Variants in MTAP observed in about 807,000 individuals in gnomAD.
The protein encoded by MTAP is S-methyl-5'-thioadenosine phosphorylase.
A neutral mutation model predicts 33.6 loss-of-function variants in MTAP; 33 were observed. The ratio of observed to expected loss-of-function variants is 0.98; its 90% confidence interval spans 0.74 to 1.31. MTAP has a LOEUF of 1.31. Ranked by LOEUF, MTAP falls within the 40% of genes most tolerant of loss-of-function variation. The probability of loss-of-function intolerance (pLI) is 0.00; values close to 1 mark genes in which losing one functional copy is unlikely to be tolerated. For missense variants in MTAP, 367 were observed against 360.0 expected (o/e 1.02, Z -0.16); for synonymous variants, 148 against 125.7 (o/e 1.18, Z -1.19).
rs554729662 is a variant in MTAP, at chr9:21,862,779, A to G, written c.*765A>G. On this transcript the variant is annotated 3_prime_UTR_variant, in exon 8 of 8. Coordinates refer to ENST00000644715, the MANE Select transcript of MTAP (RefSeq NM_002451.4). Reference sequence around the variant, plus strand: ...TTTTGCTTTAAAATGCTATGTAAATATACAAAAAAACTAGAAAGAAATATA... The same window carrying G: ...TTTTGCTTTAAAATGCTATGTAAATGTACAAAAAAACTAGAAAGAAATATA... 7 of 264,900 alleles carry G rather than the reference A, an allele frequency of 2.6e-5. No homozygotes were observed. Among genetic ancestry groups the G allele is most frequent in the Non-Finnish European group, 3.5e-5 (6 of 173,180 alleles). 16.4% of individuals were successfully genotyped at this position (264,900 alleles called of 1,614,324 possible).
chr9:21,849,143 C>A (rs1477870653), intron 5 of MTAP, among the ~76,000 whole-genome samples: 1 of 152,174 alleles, frequency 6.6e-6, no homozygotes, highest in East Asian at 1.9e-4. Flanking sequence ...AGTTTACAGA[C>A]CCAGAACCCC....
At chr9:21,912,162 T>A (rs1301061348) in intron 1 of MTAP, among the ~76,000 whole-genome samples, 2 of 151,942 alleles carry the variant, frequency 1.3e-5, no homozygotes, top group Admixed American at 1.3e-4. Flanking sequence ...CAAAAAACAG[T>A]CCAGGACCAG....
At chr9:21,915,771 T>G (rs1336508927) in intron 1 of MTAP, among the ~76,000 whole-genome samples, 1 of 152,162 alleles carries the variant, frequency 6.6e-6, no homozygotes, top group Non-Finnish European at 1.5e-5. Context: ...AGCTCACATC[T>G]GTAATCCCAA....
intron 1 of MTAP, chr9:21,929,952 T>C: frequency 4.7e-6 from 2 of 427,724 alleles, no homozygotes; most frequent in Non-Finnish European, 4.7e-6. Flanking sequence ...GAAAACCAAT[T>C]CCACCATCAA....
rs191129989 is a variant in MTAP at position 21,918,746 on chromosome 9, G to A, written c.148-12262G>A. 1.1e-4 allele frequency among the ~76,000 whole-genome samples: 17 copies of A among 152,256 alleles called. No homozygotes were observed. In the East Asian group the frequency reaches 3.3e-3, roughly 29 times the overall value. On this transcript the variant is annotated intron_variant, in intron 1 of 1. Coordinates refer to the MTAP transcript ENST00000577563. ...CAAGATCTGATGGTTTTATAAAGGGGAGTTCCCCTGCACATGCCCTCTTTG... is the reference window on the plus strand; with the variant it reads ...CAAGATCTGATGGTTTTATAAAGGGAAGTTCCCCTGCACATGCCCTCTTTG...
chr9:21,802,967 TC>T, intron 1 of MTAP, 186 bp downstream of exon 1: 2 of 1,205,380 alleles, frequency 1.7e-6, no homozygotes, highest in Non-Finnish European at 2.1e-6. Context: ...TTGCAAATGA[TC>T]CCCCTGCCGC....
At chr9:21,872,042 G>A (rs73440410), downstream of MTAP, among the ~76,000 whole-genome samples, 20 of 152,112 alleles carry the variant, frequency 1.3e-4, no homozygotes, top group Non-Finnish European at 2.8e-4. Flanking sequence ...TCTGCCAGGC[G>A]TGGTGGCTCA....
At chr9:21,840,515 T>C (rs1276824497) in intron 5 of MTAP, among the ~76,000 whole-genome samples, 7 of 152,222 alleles carry the variant, frequency 4.6e-5, no homozygotes, top group African/African-American at 1.7e-4. Flanking sequence ...AATTTAACCT[T>C]ACCTAGAGGT....
intron 4 of MTAP, among the ~76,000 whole-genome samples, chr9:21,831,383 G>A (rs146865168): frequency 4.4e-4 from 67 of 152,218 alleles, no homozygotes; most frequent in Admixed American, 2.0e-3. Flanking sequence ...GTTGCCCGGG[G>A]TAGAGTGCAG....
intron 5 of MTAP, among the ~76,000 whole-genome samples, chr9:21,841,358 T>G (rs1314501944): frequency 6.6e-6 from 1 of 152,208 alleles, no homozygotes; most frequent in Admixed American, 6.5e-5. Flanking sequence ...ACAATAACCC[T>G]GATCCCAGGA....
chr9:21,936,063 C>A (rs1057477010), downstream of MTAP: 3 of 152,152 alleles, frequency 2.0e-5, no homozygotes, highest in Non-Finnish European at 4.4e-5. Context: ...CCGAAGGCGA[C>A]CAAATAAATA....
chr9:21,825,560 T>G (rs1409734869), intron 4 of MTAP, among the ~76,000 whole-genome samples: 1 of 152,198 alleles, frequency 6.6e-6, no homozygotes, highest in Non-Finnish European at 1.5e-5. Context: ...CATTGTGGCC[T>G]GGCACAGTGG....
chr9:21,885,421 A>G (rs1379916857), intron 1 of MTAP, among the ~76,000 whole-genome samples: 1 of 152,090 alleles, frequency 6.6e-6, no homozygotes, highest in Non-Finnish European at 1.5e-5. Context: ...GTGGGGCCCA[A>G]TAATTTGCAT....
At chr9:21,905,644 C>A (rs1818464932) in intron 1 of MTAP, among the ~76,000 whole-genome samples, 1 of 151,974 alleles carries the variant, frequency 6.6e-6, no homozygotes, top group Non-Finnish European at 1.5e-5. Flanking sequence ...TGAAATAATT[C>A]CCAAGTGACC....
At chr9:21,884,964 T>C (rs1818085929) in intron 1 of MTAP, among the ~76,000 whole-genome samples, 1 of 152,188 alleles carries the variant, frequency 6.6e-6, no homozygotes, top group Non-Finnish European at 1.5e-5. Context: ...AGGATTTTAC[T>C]AACCTTTAGA....
At chr9:21,843,548 C>CT (rs746068124) in intron 5 of MTAP, among the ~76,000 whole-genome samples, 15 of 152,278 alleles carry the variant, frequency 9.9e-5, no homozygotes, top group Non-Finnish European at 1.8e-4. Context: ...ATCAAGTACT[C>CT]TCTCAGATCA....
intron 4 of MTAP, among the ~76,000 whole-genome samples, chr9:21,835,498 A>G (rs559684878): frequency 1.3e-5 from 2 of 152,282 alleles, no homozygotes; most frequent in East Asian, 3.9e-4. Context: ...ATATTGAAAT[A>G]TGATTTCAAT....
downstream of MTAP, among the ~76,000 whole-genome samples, chr9:21,937,898 G>T (rs1563876999): frequency 1.3e-5 from 2 of 152,164 alleles, no homozygotes. Context: ...CTAGCACTTT[G>T]GGAGGCCAAG....
chr9:21,891,169 A>C (rs1216380183), intron 1 of MTAP, among the ~76,000 whole-genome samples: 1 of 152,200 alleles, frequency 6.6e-6, no homozygotes, highest in Non-Finnish European at 1.5e-5. Flanking sequence ...AGATTCAAGA[A>C]ACATCAAGCC....
Sources: gnomAD v4.1 joint callset for allele counts (sites outside exome capture counted in the v4.1 genomes callset) on GRCh38, gnomAD v4.1.1 for gene constraint, MANE v1.5 for transcripts, NCBI Gene and HGNC (gene_info 2026-07-23, HGNC 2026-07-21) for gene names.